The following PLEKHG5 variants were observed in gnomAD, a reference collection of about 807,000 sequenced individuals.
PLEKHG5 encodes pleckstrin homology and RhoGEF domain containing G5.
In PLEKHG5, 52 loss-of-function variants were observed where a neutral mutation model predicts 103.8. The ratio of observed to expected loss-of-function variants is 0.50; its 90% CI spans 0.40 to 0.63. The LOEUF (loss-of-function observed/expected upper bound fraction) is 0.63, where lower values mean the gene tolerates loss of function less well. PLEKHG5 is among the 30% of genes least tolerant of loss of function. The pLI is 0.00. For missense variants in PLEKHG5, 1,205 were observed against 1,347.6 expected (o/e 0.89, Z 1.66); for synonymous variants, 592 against 575.5 (o/e 1.03, Z -0.41).
intron 14 of PLEKHG5, 31 bp downstream of exon 14, chr1:6,470,704 G>A (rs1253494990): frequency 3.2e-6 from 5 of 1,552,430 alleles, no homozygotes; most frequent in Admixed American, 1.9e-5. Context: ...GCCGCGCAGG[G>A]GGGACGGCTC....
chr1:6,501,473 G>A (rs1159747886), upstream of PLEKHG5, among the ~76,000 whole-genome samples: 5 of 152,036 alleles, frequency 3.3e-5, no homozygotes, highest in South Asian at 2.1e-4. This position sits in a 1 kb window ranked among gnomAD's most constrained non-coding sequence, Gnocchi z 4.3. Flanking sequence ...AACCAACACC[G>A]ACCTGTCTTC....
Position 6,470,413 on chromosome 1 carries a change from G to C in PLEKHG5, c.1681-58C>G. 3.7e-6 allele frequency: 6 copies of C among 1,612,942 alleles called. No individual in the cohort carries two copies. In the East Asian group the frequency reaches 1.3e-4, roughly 36 times the overall value. ...CAGAGACTGACTCCCATCTCAGCTA[G>C]GCATCCTCAGTGAGATGCCCAGCAC... is the stretch of plus-strand genomic sequence containing the variant. On this transcript the variant is annotated intron_variant, in intron 15 of 20. Coordinates refer to ENST00000377728, the MANE Select transcript of PLEKHG5 (RefSeq NM_020631.6).
Position 6,505,240 on chromosome 1 carries a change from A to C in PLEKHG5, c.-164-8671T>G, listed in dbSNP as rs1638278573. ...TGACAGAGCTAGGTCCCCAGCCCACAGTGCCGGTCAGCCCACTGTGCCGAC... is the reference window on the plus strand; with the variant it reads ...TGACAGAGCTAGGTCCCCAGCCCACCGTGCCGGTCAGCCCACTGTGCCGAC... On this transcript the variant is annotated intron_variant, in intron 1 of 21. Transcript: ENST00000377740. The surrounding 1 kb of genome is among the most constrained non-coding windows in gnomAD (Gnocchi z 4.2). 6.6e-6 allele frequency among the ~76,000 whole-genome samples: 1 copy of C among 152,094 alleles called. No individual in the cohort carries two copies. The highest frequency in any genetic ancestry group is 2.1e-4 in the South Asian group (1 of 4,814).
intron 10 of PLEKHG5, 79 bp downstream of exon 10, chr1:6,472,448 C>T (rs1644619989): frequency 9.6e-7 from 1 of 1,045,890 alleles, no homozygotes; most frequent in Non-Finnish European, 1.5e-6. Flanking sequence ...GCTCCTTCTG[C>T]AAAGGCTCAG....
chr1:6,474,553 T>G lies in PLEKHG5; in HGVS notation c.337A>C (p.Ile113Leu). The G allele has an allele frequency of 6.2e-7, 1 of 1,613,816 alleles. No homozygotes were observed. Among genetic ancestry groups the G allele is most frequent in the Non-Finnish European group, 8.5e-7 (1 of 1,179,968 alleles). The change falls in exon 6 of 21, where the codon ATT (isoleucine) becomes CTT (leucine). Residue 113 changes from isoleucine to leucine, a missense_variant. Ile to Leu is a conservative substitution (Grantham distance 5). Transcript: ENST00000377728. The stretch of plus-strand genomic sequence containing the variant: ...TAGATGTCCACTTTGCCCAGCGCAA[T>G]GCCCTTCCTTTCAAATACAGGCAGC... ...VLLPVFERKG[I>L]ALGKVDIYLD...
intron 1 of PLEKHG5, among the ~76,000 whole-genome samples, chr1:6,517,418 C>A (rs1454241256): frequency 3.3e-5 from 5 of 152,020 alleles, no homozygotes; most frequent in Non-Finnish European, 5.9e-5. Flanking sequence ...GGTCTGTAAC[C>A]CCCAGTGTCA....
At chr1:6,484,230 T>C (rs1471817432) in intron 1 of PLEKHG5, among the ~76,000 whole-genome samples, 1 of 152,178 alleles carries the variant, frequency 6.6e-6, no homozygotes, top group East Asian at 1.9e-4. Context: ...CACCCCACCC[T>C]GGATCCCTTG....
At chr1:6,493,645 G>GTTA (rs369581499), upstream of PLEKHG5, among the ~76,000 whole-genome samples, 12 of 152,008 alleles carry the variant, frequency 7.9e-5, no homozygotes, top group East Asian at 1.2e-3. Flanking sequence ...AGCAATAATT[G>GTTA]TTATTATTAT....
rs530923297 is a variant in PLEKHG5 at position 6,486,546 on chromosome 1, C to T, written c.-88+5091G>A. On this transcript the variant is annotated intron_variant, in intron 1 of 20. Transcript: ENST00000377728. This position sits in a 1 kb window ranked among gnomAD's most constrained non-coding sequence, Gnocchi z 5.3. ...CTCTGAGAGGCTATCCTTGGCAGCC[C>T]CCAGGAGCTGGGTGAGGTGGAGGCA... 8.3e-4 allele frequency among the ~76,000 whole-genome samples: 126 copies of T among 152,352 alleles called. No individual in the cohort carries two copies. Among genetic ancestry groups the T allele is most frequent in the Middle Eastern group, 3.4e-3 (1 of 294 alleles).
At chr1:6,518,007 A>C (rs4511140) in intron 1 of PLEKHG5, among the ~76,000 whole-genome samples, 126,361 of 151,650 alleles carry the variant, frequency 0.83, 53,304 homozygotes, top group Non-Finnish European at 0.89. Context: ...ATCTTGGCTC[A>C]CTGCAAGCTC....
At position 6,491,403 on chromosome 1, in the gene PLEKHG5, C is replaced by T. The variant is rs907663696; in HGVS notation, c.-88+234G>A. On this transcript the variant is annotated intron_variant, in intron 1 of 20. Coordinates refer to ENST00000377728, the MANE Select transcript of PLEKHG5 (RefSeq NM_020631.6). The surrounding 1 kb of genome is among the most constrained non-coding windows in gnomAD (Gnocchi z 4.1). ...CTCCTGGCTGGGCCAGGGATCCCCACGTCTTCACCTGCTCCCCCAAAACTA... is the reference window on the plus strand; with the variant it reads ...CTCCTGGCTGGGCCAGGGATCCCCATGTCTTCACCTGCTCCCCCAAAACTA... Among the ~76,000 whole-genome samples, 1 of 152,320 alleles carries T rather than the reference C, an allele frequency of 6.6e-6. No homozygotes were observed. Among genetic ancestry groups the T allele is most frequent in the African/African-American group, 2.4e-5 (1 of 41,566 alleles).
upstream of PLEKHG5, among the ~76,000 whole-genome samples, chr1:6,500,980 G>A (rs925989027): frequency 2.0e-4 from 31 of 152,228 alleles, no homozygotes; most frequent in African/African-American, 7.5e-4. Flanking sequence ...CGGGCAGAAC[G>A]GCCGGCAGAC....
chr1:6,477,309 G>A (rs1644787078), intron 2 of PLEKHG5, among the ~76,000 whole-genome samples: 2 of 152,244 alleles, frequency 1.3e-5, no homozygotes, highest in Admixed American at 1.3e-4. Context: ...ACCAGTGAGA[G>A]CACAGCACCA....
intron 1 of PLEKHG5, among the ~76,000 whole-genome samples, chr1:6,508,326 C>T (rs1638381150): frequency 6.6e-6 from 1 of 152,204 alleles, no homozygotes; most frequent in South Asian, 2.1e-4. Flanking sequence ...TTCCCTCTGC[C>T]TCCAAATGTG....
At chr1:6,474,692 C>G (rs1420033059) in intron 5 of PLEKHG5, 105 bp from the exon 6 acceptor site, 1 of 1,169,496 alleles carries the variant, frequency 8.6e-7, no homozygotes, top group Non-Finnish European at 1.2e-6. Flanking sequence ...CCCAGCTGCC[C>G]CCACCTTCCC....
At chr1:6,513,022 G>C (rs923590039) in intron 1 of PLEKHG5, among the ~76,000 whole-genome samples, 3 of 152,202 alleles carry the variant, frequency 2.0e-5, no homozygotes, top group Admixed American at 1.3e-4. Flanking sequence ...GCCTGCCCCC[G>C]GCATGGCCAC....
intron 10 of PLEKHG5, 119 bp from the exon 11 acceptor site, chr1:6,471,927 C>T: frequency 1.0e-6 from 1 of 994,798 alleles, no homozygotes; most frequent in Non-Finnish European, 1.6e-6. Flanking sequence ...GGCCCCACAG[C>T]AGCCACGGAT....
Position 6,490,444 on chromosome 1 carries a change from C to CTTCCCCGCGA in PLEKHG5, c.-88+1192_-88+1193insTCGCGGGGAA. On this transcript the variant is annotated intron_variant, in intron 1 of 20. Coordinates refer to ENST00000377728, the MANE Select transcript of PLEKHG5 (RefSeq NM_020631.6). The surrounding 1 kb of genome is among the most constrained non-coding windows in gnomAD (Gnocchi z 8.0). ...GCAGCTCCCACTTCCCCGCGACTCACCTAGGAACAGGACCAGGGTCTCCTC... is the reference window on the plus strand; with the variant it reads ...GCAGCTCCCACTTCCCCGCGACTCACTTCCCCGCGACTAGGAACAGGACCAGGGTCTCCTC... The CTTCCCCGCGA allele has an allele frequency of 1.0e-6, 1 of 984,992 alleles. No homozygotes were observed. Among genetic ancestry groups the CTTCCCCGCGA allele is most frequent in the Non-Finnish European group, 1.2e-6 (1 of 830,010 alleles). 61.0% of individuals were successfully genotyped at this position (984,992 alleles called of 1,614,324 possible).
Position 6,468,824 on chromosome 1 carries a change from C to T in PLEKHG5, c.2249+218G>A, listed in dbSNP as rs1644475234. Among the ~76,000 whole-genome samples the T allele has an allele frequency of 4.6e-5, 7 of 152,212 alleles. No homozygotes were observed. In the South Asian group the frequency reaches 1.4e-3, roughly 32 times the overall value. ...GGATCTGCCCTAAGGATCCTCAGCA[C>T]AGCACCCCAGGCAGCTACCACGAAT... On this transcript the variant is annotated intron_variant, in intron 19 of 20. Coordinates refer to ENST00000377728, the MANE Select transcript of PLEKHG5 (RefSeq NM_020631.6).
Sources: allele counts gnomAD v4.1 joint callset (sites outside exome capture counted in the v4.1 genomes callset), GRCh38; gene constraint gnomAD v4.1.1; non-coding constraint Gnocchi (gnomAD v3.1); transcripts MANE v1.5; gene names NCBI Gene and HGNC (gene_info 2026-07-23, HGNC 2026-07-21).